DMTF1: variants seen among roughly 807,000 people sequenced by gnomAD.
DMTF1 encodes cyclin-D-binding Myb-like transcription factor 1.
In DMTF1, 39 loss-of-function variants were observed where a neutral mutation model predicts 91.1. The observed-to-expected ratio is 0.43, with a 90% CI of 0.33 to 0.56. The LOEUF (loss-of-function observed/expected upper bound fraction) is 0.56, where lower values mean the gene tolerates loss of function less well. DMTF1 is among the 20% of genes least tolerant of loss of function. DMTF1 has a pLI of 0.05. For missense variants in DMTF1, 750 were observed against 914.5 expected (o/e 0.82, Z 2.32); for synonymous variants, 338 against 309.5 (o/e 1.09, Z -0.97).
chr7:87,182,046 T>TC (rs1797493526), intron 9 of DMTF1, 182 bp from the exon 10 acceptor site: 1 of 1,532,134 alleles, frequency 6.5e-7, no homozygotes, highest in East Asian at 2.5e-5. Context: ...TGTTTTTTTT[T>TC]CACCCACAGA....
chr7:87,193,245 A>G lies in DMTF1; in HGVS notation c.1542A>G (p.Gln514=). Residue 514 remains glutamine (Q), a synonymous_variant, in exon 15 of 18, where the codon CAA becomes CAG. Transcript: ENST00000331242. The part of the protein sequence containing the change: ...PTGTPGTYLL[Q]TSSSQGLPLT... ...GCACTCCAGGCACCTACCTACTTCAAACAAGCTCAAGCCAAGGCCTTCCCC... is the reference window on the plus strand; with the variant it reads ...GCACTCCAGGCACCTACCTACTTCAGACAAGCTCAAGCCAAGGCCTTCCCC... 2 of 1,613,404 alleles carry G rather than the reference A, an allele frequency of 1.2e-6. No individual in the cohort carries two copies. Among genetic ancestry groups the G allele is most frequent in the Non-Finnish European group, 1.7e-6 (2 of 1,179,564 alleles).
At chr7:87,180,954 C>T (rs1349584271) in intron 8 of DMTF1, among the ~76,000 whole-genome samples, 3 of 146,854 alleles carry the variant, frequency 2.0e-5, no homozygotes, top group Admixed American at 7.0e-5. Context: ...CTCGTGAGTT[C>T]AAGCTATTCT....
chr7:87,161,775 C>A (rs750766129), intron 1 of DMTF1, among the ~76,000 whole-genome samples: 3 of 152,094 alleles, frequency 2.0e-5, no homozygotes, highest in Non-Finnish European at 4.4e-5. Context: ...CCATTTTGCA[C>A]CTATAAAATA....
chr7:87,182,170 G>T, intron 9 of DMTF1, 58 bp from the exon 10 acceptor site: 1 of 1,611,598 alleles, frequency 6.2e-7, no homozygotes, highest in Admixed American at 1.7e-5. Flanking sequence ...AATAAATGAT[G>T]AAATTAAAAG....
rs1798324523 is a variant in DMTF1, at chr7:87,185,996, C to G, written c.1201+16C>G. 1.9e-6 allele frequency: 3 copies of G among 1,613,270 alleles called. No individual in the cohort carries two copies. The highest frequency in any genetic ancestry group is 2.5e-6 in the Non-Finnish European group (3 of 1,179,454). ...TCGTTCCCTGGTAATGTATTACTTA[C>G]TTTTTAAGCTCCTCCCCTTTTCTTA... On this transcript the variant is annotated intron_variant, in intron 12 of 17. Transcript: ENST00000331242.
At chr7:87,170,800 C>T (rs1331541274) in intron 4 of DMTF1, among the ~76,000 whole-genome samples, 195 bp from the exon 5 acceptor site, 3 of 152,156 alleles carry the variant, frequency 2.0e-5, no homozygotes. Flanking sequence ...ATATCCCCAG[C>T]ACCCACAGCA....
chr7:87,180,856 C>CTTTTTTTTTTTTTTTTT (rs397889347), intron 8 of DMTF1, among the ~76,000 whole-genome samples: 5 of 127,698 alleles, frequency 3.9e-5, no homozygotes, highest in African/African-American at 1.5e-4. Context: ...TTATTTTCAA[C>CTTTTTTTTTTTTTTTTT]TTTTTTTTTT....
intron 1 of DMTF1, among the ~76,000 whole-genome samples, chr7:87,156,237 A>C (rs933538879): frequency 5.9e-5 from 9 of 152,160 alleles, no homozygotes; most frequent in African/African-American, 1.9e-4. Flanking sequence ...ATATAGTTTT[A>C]TTGTCAAACC....
chr7:87,158,802 A>T (rs1350601880), intron 1 of DMTF1, among the ~76,000 whole-genome samples: 1 of 152,066 alleles, frequency 6.6e-6, no homozygotes, highest in Non-Finnish European at 1.5e-5. Context: ...AAACTTAGAA[A>T]ACATTCTTAA....
In DMTF1 at chr7:87,184,521, C is replaced by T. The variant is rs906732127; in HGVS notation, c.945C>T (p.Thr315=). Residue 315 remains threonine (T), a synonymous_variant, in exon 11 of 18, where the codon ACC becomes ACT. Transcript: ENST00000331242. ...SWAAVAERVG[T]RSEKQCRSKW... ...CAGCTGTGGCTGAACGAGTCGGTACCCGCTCAGAAAAGCAATGTCGTTCTA... is the reference window on the plus strand; with the variant it reads ...CAGCTGTGGCTGAACGAGTCGGTACTCGCTCAGAAAAGCAATGTCGTTCTA... 2.5e-6 allele frequency: 4 copies of T among 1,613,884 alleles called. No homozygotes were observed. The highest frequency in any genetic ancestry group is 1.7e-5 in the Admixed American group (1 of 59,974).
At chr7:87,191,082 C>T (rs73208503) in intron 14 of DMTF1, 55 bp downstream of exon 14, 34 of 1,162,774 alleles carry the variant, frequency 2.9e-5, no homozygotes, top group Non-Finnish European at 4.1e-5. Context: ...AGATCAGTTG[C>T]TATCACTTTT....
chr7:87,168,634 T>A (rs959328082), intron 4 of DMTF1, among the ~76,000 whole-genome samples: 15 of 152,188 alleles, frequency 9.9e-5, no homozygotes, highest in African/African-American at 3.4e-4. Flanking sequence ...ACTTATTTGG[T>A]GAACTCATAA....
chr7:87,159,598 A>G (rs900626993), intron 1 of DMTF1, among the ~76,000 whole-genome samples: 4 of 152,232 alleles, frequency 2.6e-5, no homozygotes, highest in African/African-American at 7.2e-5. Flanking sequence ...AATGGCTGTT[A>G]AAATTGTGTT....
At chr7:87,164,536 A>G (rs1327428327) in intron 2 of DMTF1, among the ~76,000 whole-genome samples, 2 of 152,218 alleles carry the variant, frequency 1.3e-5, no homozygotes, top group Non-Finnish European at 1.5e-5. Flanking sequence ...AATTCTTAAG[A>G]TAAAAGTTTT....
At chr7:87,187,881 C>CAATATTAAG in intron 12 of DMTF1, 1 of 557,982 alleles carries the variant, frequency 1.8e-6, no homozygotes. Flanking sequence ...GCAAGAATAA[C>CAATATTAAG]AATATTAAGA....
intron 12 of DMTF1, chr7:87,187,167 T>C (rs541101836): frequency 3.3e-5 from 5 of 152,320 alleles, no homozygotes; most frequent in African/African-American, 9.6e-5. Flanking sequence ...TATAGCACTC[T>C]TAACTTCCAT....
intron 5 of DMTF1, among the ~76,000 whole-genome samples, chr7:87,172,627 C>T (rs1483013337): frequency 4.9e-5 from 3 of 61,200 alleles, no homozygotes; most frequent in Non-Finnish European, 1.1e-4. Context: ...CAGCCGGTGA[C>T]ATTGCTTAGT....
At chr7:87,155,953 G>A (rs1350628753) in intron 1 of DMTF1, among the ~76,000 whole-genome samples, 2 of 151,626 alleles carry the variant, frequency 1.3e-5, no homozygotes, top group African/African-American at 2.4e-5. Flanking sequence ...TTCCCATCAG[G>A]TGTTACGTAT....
chr7:87,171,823 C>T (rs1376912471), intron 5 of DMTF1, among the ~76,000 whole-genome samples: 1 of 152,146 alleles, frequency 6.6e-6, no homozygotes, highest in Admixed American at 6.5e-5. Flanking sequence ...CTTCAAGGTA[C>T]CTGAGTTTCC....
Sources: allele counts gnomAD v4.1 joint callset (sites outside exome capture counted in the v4.1 genomes callset), GRCh38; gene constraint gnomAD v4.1.1; transcripts MANE v1.5; gene names NCBI Gene and HGNC (gene_info 2026-07-23, HGNC 2026-07-21).